RAP1GDS1: variants seen among roughly 807,000 people sequenced by gnomAD.
The protein encoded by RAP1GDS1 is RAP1, GTP-GDP dissociation stimulator 1.
In RAP1GDS1, 35 loss-of-function variants were observed where a neutral mutation model predicts 71.1. The observed-to-expected ratio is 0.49, with a 90% CI of 0.38 to 0.65. RAP1GDS1 has a LOEUF of 0.65. RAP1GDS1 is among the 30% of genes least tolerant of loss of function. The pLI is 0.00. For synonymous variants in RAP1GDS1, 229 were observed against 243.1 expected, an observed-to-expected ratio of 0.94 and a Z score of 0.54; for missense variants, 663 against 706.1, an observed-to-expected ratio of 0.94 and a Z score of 0.69.
At chr4:98,326,987 G>T (rs1252722329) in intron 2 of RAP1GDS1, among the ~76,000 whole-genome samples, 1 of 152,186 alleles carries the variant, frequency 6.6e-6, no homozygotes, top group Non-Finnish European at 1.5e-5. Context: ...AGATCTCAGA[G>T]AAATGAAGCA....
At chr4:98,311,247 T>C (rs917868872) in intron 2 of RAP1GDS1, among the ~76,000 whole-genome samples, 1 of 152,202 alleles carries the variant, frequency 6.6e-6, no homozygotes, top group African/African-American at 2.4e-5. Context: ...AATCTGTAAA[T>C]AAGATACTGT....
At chr4:98,402,146 C>T (rs1388971131) in intron 6 of RAP1GDS1, among the ~76,000 whole-genome samples, 4 of 152,088 alleles carry the variant, frequency 2.6e-5, no homozygotes, top group Non-Finnish European at 4.4e-5. Context: ...GATCTCTGCT[C>T]ACTGCACCTC....
In RAP1GDS1 at chr4:98,409,198, A is replaced by G. The variant is rs375169153; in HGVS notation, c.763+4596A>G. On this transcript the variant is annotated intron_variant, in intron 7 of 14. Coordinates refer to ENST00000408927, the MANE Select transcript of RAP1GDS1 (RefSeq NM_001100427.2). ...CCAAAAAACAAACAAGAATTTCTATATACCAAAAAAGAAAAAACAGAAAAT... is the reference window on the plus strand; with the variant it reads ...CCAAAAAACAAACAAGAATTTCTATGTACCAAAAAAGAAAAAACAGAAAAT... 7 of 152,316 alleles carry G rather than the reference A, an allele frequency of 4.6e-5. No individual in the cohort carries two copies. In the South Asian group the frequency reaches 1.0e-3, roughly 23 times the overall value. The allele number at this position is 152,316 out of a possible 1,614,324, so 9.4% of individuals were successfully genotyped here. A position where few individuals can be genotyped will look rare whatever the true frequency, so the allele number is the denominator to read the frequency against.
chr4:98,392,716 A>G (rs1352243816), intron 6 of RAP1GDS1, among the ~76,000 whole-genome samples: 1 of 152,180 alleles, frequency 6.6e-6, no homozygotes, highest in Non-Finnish European at 1.5e-5. Flanking sequence ...AAAAAAAGAA[A>G]TTTATTACAT....
At chr4:98,319,342 A>G (rs574775734) in intron 2 of RAP1GDS1, among the ~76,000 whole-genome samples, 34 of 152,334 alleles carry the variant, frequency 2.2e-4, no homozygotes, top group Admixed American at 2.0e-3. Flanking sequence ...TTATTAGCAT[A>G]TATTTCTTTG....
intron 3 of RAP1GDS1, among the ~76,000 whole-genome samples, chr4:98,346,766 G>A (rs1362045660): frequency 2.0e-5 from 3 of 151,974 alleles, no homozygotes; most frequent in Admixed American, 6.6e-5. Context: ...GGCTGGTCTC[G>A]AACTCCTGAC....
chr4:98,296,105 GT>G (rs1441653899), intron 2 of RAP1GDS1, among the ~76,000 whole-genome samples: 2 of 151,958 alleles, frequency 1.3e-5, no homozygotes, highest in East Asian at 3.9e-4. Flanking sequence ...AGTGTCAGGT[GT>G]TTTAACTAAA....
chr4:98,262,077 G>A (rs570157629), intron 1 of RAP1GDS1, among the ~76,000 whole-genome samples: 19 of 152,360 alleles, frequency 1.2e-4, no homozygotes, highest in Admixed American at 1.2e-3. Context: ...GTTTGTGAGG[G>A]AGATCTTACA....
At chr4:98,374,023 T>G (rs1740794039) in intron 4 of RAP1GDS1, among the ~76,000 whole-genome samples, 1 of 152,226 alleles carries the variant, frequency 6.6e-6, no homozygotes, top group Admixed American at 6.5e-5. Context: ...TTTAAAACTT[T>G]ATTTTTTTTA....
At chr4:98,274,996 C>T (rs1324574937) in intron 1 of RAP1GDS1, among the ~76,000 whole-genome samples, 2 of 151,068 alleles carry the variant, frequency 1.3e-5, no homozygotes, top group Admixed American at 6.6e-5. Flanking sequence ...ATGAGATACC[C>T]GGAAGCTTAA....
chr4:98,276,467 A>AT lies in RAP1GDS1; in HGVS notation c.4+14907dup, dbSNP rs200237027. Among the ~76,000 whole-genome samples, 497 of 148,886 alleles carry AT rather than the reference A, an allele frequency of 3.3e-3. 3 individuals carry two copies. Among genetic ancestry groups the AT allele is most frequent in the African/African-American group, 0.01 (422 of 40,424 alleles). On this transcript the variant is annotated intron_variant, in intron 1 of 14. Coordinates refer to ENST00000408927, the MANE Select transcript of RAP1GDS1 (RefSeq NM_001100427.2). ...ACTGATTAAAGGTAATTAAATGGTG[A>AT]TTTTTTTTTACATACCCTTTTTTTT...
intron 5 of RAP1GDS1, among the ~76,000 whole-genome samples, chr4:98,383,351 A>G (rs972315680): frequency 6.6e-6 from 1 of 151,580 alleles, no homozygotes; most frequent in African/African-American, 2.4e-5. Flanking sequence ...AGTATCTTCT[A>G]AAATTATTAA....
chr4:98,391,908 T>A, intron 5 of RAP1GDS1, 44 bp from the exon 6 acceptor site: 1 of 1,531,590 alleles, frequency 6.5e-7, no homozygotes, highest in Non-Finnish European at 8.8e-7. Context: ...ATTTGACATG[T>A]CAACACTTTC....
At chr4:98,357,413 CAAT>C (rs1409293469) in intron 4 of RAP1GDS1, among the ~76,000 whole-genome samples, 1 of 151,800 alleles carries the variant, frequency 6.6e-6, no homozygotes, top group Non-Finnish European at 1.5e-5. Context: ...GAATAAACAA[CAAT>C]ATGTTACTGC....
At position 98,374,258 on chromosome 4, in the gene RAP1GDS1, G is replaced by A. The variant is rs557534156; in HGVS notation, c.362-4759G>A. 4.6e-5 allele frequency among the ~76,000 whole-genome samples: 7 copies of A among 152,104 alleles called. No individual in the cohort carries two copies. The South Asian group carries it at 8.3e-4, about 18-fold the overall frequency. On this transcript the variant is annotated intron_variant, in intron 4 of 14. Transcript: ENST00000408927. Reference sequence around the variant, plus strand: ...GTAATTTCTATTGATCTATGAGTTCGCTGAGTCTTTTCTTGGTTTGTTGAG... The same window carrying A: ...GTAATTTCTATTGATCTATGAGTTCACTGAGTCTTTTCTTGGTTTGTTGAG...
chr4:98,374,020 C>CT (rs1740793669), intron 4 of RAP1GDS1, among the ~76,000 whole-genome samples: 1 of 152,068 alleles, frequency 6.6e-6, no homozygotes, highest in Non-Finnish European at 1.5e-5. Context: ...CAATTTAAAA[C>CT]TTTATTTTTT....
intron 12 of RAP1GDS1, among the ~76,000 whole-genome samples, chr4:98,424,770 C>CAAAA (rs1157760868): frequency 4.4e-4 from 37 of 83,670 alleles, no homozygotes; most frequent in African/African-American, 1.5e-3. Flanking sequence ...ACTCTGTCTC[C>CAAAA]AAAAAAAAAA....
At chr4:98,329,198 G>A (rs539531872) in intron 2 of RAP1GDS1, among the ~76,000 whole-genome samples, 8 of 152,194 alleles carry the variant, frequency 5.3e-5, no homozygotes, top group African/African-American at 1.9e-4. Context: ...TTTTGAATTG[G>A]GGGGGCAGTC....
intron 5 of RAP1GDS1, 143 bp from the exon 6 acceptor site, chr4:98,391,809 T>C (rs1743718669): frequency 1.2e-6 from 1 of 813,452 alleles, no homozygotes; most frequent in Non-Finnish European, 1.8e-6. Context: ...CACAATCATA[T>C]GAATGGACTT....
Sources: gnomAD v4.1 joint callset for allele counts (sites outside exome capture counted in the v4.1 genomes callset) on GRCh38, gnomAD v4.1.1 for gene constraint, MANE v1.5 for transcripts, NCBI Gene and HGNC (gene_info 2026-07-23, HGNC 2026-07-21) for gene names.